MYO18B: variants seen among roughly 807,000 people sequenced by gnomAD.
MYO18B encodes the protein unconventional myosin-XVIIIb.
In MYO18B, 204 loss-of-function variants were observed where a neutral mutation model predicts 273.0. The observed-to-expected ratio is 0.75, with a 90% confidence interval of 0.67 to 0.84. MYO18B has a LOEUF of 0.84. Among genes scored for constraint, MYO18B ranks in the 40% least tolerant of loss-of-function variants. The pLI, the probability that MYO18B is intolerant of heterozygous loss-of-function variation, is 0.00. For missense variants in MYO18B, 3,212 were observed against 3,287.6 expected, an observed-to-expected ratio of 0.98 and a Z score of 0.56; for synonymous variants, 1,330 against 1,305.7, an observed-to-expected ratio of 1.02 and a Z score of -0.40.
rs1367853298 is a variant in MYO18B at position 25,908,306 on chromosome 22, C to T, written c.5149-16C>T. The T allele has an allele frequency of 6.4e-7, 1 of 1,561,232 alleles. No individual in the cohort carries two copies. The highest frequency in any genetic ancestry group is 8.7e-7 in the Non-Finnish European group (1 of 1,152,450). On this transcript the variant is annotated splice_polypyrimidine_tract_variant and intron_variant, in intron 31 of 43. Coordinates refer to ENST00000335473, the MANE Select transcript of MYO18B (RefSeq NM_032608.7). ...GAGTGGGTCACCCTCACGTGCTGTC[C>T]TTGCTGCCCCCGCAGCTCCGCCAGC...
At chr22:26,043,636 G>A in the MYO18B span, among the ~76,000 whole-genome samples, 106 of 150,418 alleles carry the variant, frequency 7.0e-4, no homozygotes, top group African/African-American at 2.3e-3. Context: ...TCAGCCTCCC[G>A]AGTAGCTGGG....
intron 42 of MYO18B, 134 bp from the exon 43 acceptor site, chr22:26,026,311 T>G: frequency 9.6e-7 from 1 of 1,043,206 alleles, no homozygotes; most frequent in Non-Finnish European, 1.4e-6. Context: ...ATATGGTTCA[T>G]TTGAGAGTGC....
At chr22:25,952,200 C>T in intron 37 of MYO18B, 86 bp from the exon 38 acceptor site, 1 of 1,474,148 alleles carries the variant, frequency 6.8e-7, no homozygotes, top group Non-Finnish European at 9.2e-7. Context: ...ATAGCTCCTC[C>T]CACCCTCCCA....
rs6004860 is a variant in MYO18B, at chr22:25,980,737, C to T, written c.6157-11626C>T. ...TATTAGAAACAGAAAAGCAAAGCAA[C>T]GGTGTTTAAAAGAGAAAGAAAAGAG... On this transcript the variant is annotated intron_variant, in intron 39 of 43. Transcript: ENST00000335473. Among the ~76,000 whole-genome samples, 601 of 152,162 alleles carry T rather than the reference C, an allele frequency of 3.9e-3. 5 individuals carry two copies. The highest frequency in any genetic ancestry group is 0.014 in the African/African-American group (581 of 41,496).
At chr22:25,780,856 G>C (rs1014258562) in intron 9 of MYO18B, among the ~76,000 whole-genome samples, 1 of 152,120 alleles carries the variant, frequency 6.6e-6, no homozygotes, top group East Asian at 1.9e-4. Flanking sequence ...TTAAACAGAC[G>C]CTTGCCAGCC....
intron 22 of MYO18B, among the ~76,000 whole-genome samples, chr22:25,869,466 A>AC (rs1284252633): frequency 6.7e-6 from 1 of 148,810 alleles, no homozygotes; most frequent in African/African-American, 2.5e-5. Flanking sequence ...AAAAAAAAAA[A>AC]AAAAAAAGAA....
chr22:25,963,335 G>A (rs1372444930), intron 39 of MYO18B, among the ~76,000 whole-genome samples: 1 of 151,798 alleles, frequency 6.6e-6, no homozygotes, highest in Non-Finnish European at 1.5e-5. Context: ...GAGGCTAGAT[G>A]TCTGAAATGA....
intron 25 of MYO18B, among the ~76,000 whole-genome samples, chr22:25,881,027 T>C (rs1181925745): frequency 6.6e-6 from 1 of 151,680 alleles, no homozygotes; most frequent in Non-Finnish European, 1.5e-5. Context: ...GCTTATAATG[T>C]TGTTTGGCTT....
At chr22:25,802,667 G>A (rs1601740502) in intron 12 of MYO18B, among the ~76,000 whole-genome samples, 1 of 151,018 alleles carries the variant, frequency 6.6e-6, no homozygotes, top group Non-Finnish European at 1.5e-5. Context: ...GCAGGAGAAT[G>A]GCGTGAACCC....
chr22:25,919,647 C>G (rs144676236), intron 33 of MYO18B, among the ~76,000 whole-genome samples: 215 of 151,682 alleles, frequency 1.4e-3, no homozygotes, highest in Non-Finnish European at 2.3e-3. Flanking sequence ...CAGCCCTTAA[C>G]TCAGTTCAGC....
rs202038278 is a variant in MYO18B, at chr22:25,825,088, CAT to C, written c.2696-1318_2696-1317del. On this transcript the variant is annotated intron_variant, in intron 13 of 43. Transcript: ENST00000335473. ...ATAGACACAAGCACACACGTGCACA[CAT>C]ATGCACAGGCACAAACACCACACAC... is the stretch of plus-strand genomic sequence containing the variant. Among the ~76,000 whole-genome samples the C allele has an allele frequency of 3.9e-3, 586 of 150,608 alleles. 3 individuals are homozygous for C. Among genetic ancestry groups the C allele is most frequent in the African/African-American group, 0.013 (539 of 39,932 alleles).
intron 7 of MYO18B, 49 bp downstream of exon 7, chr22:25,772,559 G>C (rs922487945): frequency 2.6e-6 from 4 of 1,550,970 alleles, no homozygotes; most frequent in Non-Finnish European, 3.5e-6. Flanking sequence ...GGGCAGGGGG[G>C]CCTGGGGGGA....
intron 39 of MYO18B, among the ~76,000 whole-genome samples, chr22:25,965,628 C>T (rs981943558): frequency 3.9e-5 from 6 of 152,162 alleles, no homozygotes; most frequent in South Asian, 2.1e-4. Flanking sequence ...ATATCATTTG[C>T]ACCATACAGG....
rs150178966 is a variant in MYO18B, at chr22:25,768,225, C to G, written c.309C>G (p.Asp103Glu). The G allele has an allele frequency of 5.6e-4, 898 of 1,614,012 alleles. 7 individuals are homozygous for G. In the African/African-American group the frequency reaches 8.0e-3, roughly 14 times the overall value. ...DDQSSSPGSSDILGKESEGSR... is the reference protein window; with the variant it reads ...DDQSSSPGSSEILGKESEGSR... ...AGTCAAGCTCTCCTGGGAGCTCAGA[C>G]ATTCTGGGCAAGGAGAGCGAGGGGT... is the stretch of plus-strand genomic sequence containing the variant. The change falls in exon 4 of 44, where the codon GAC becomes GAG. Residue 103 changes from aspartate to glutamate, a missense_variant. Transcript: ENST00000335473.
intron 17 of MYO18B, among the ~76,000 whole-genome samples, chr22:25,837,769 C>A (rs2089950436): frequency 6.6e-6 from 1 of 152,220 alleles, no homozygotes; most frequent in Admixed American, 6.5e-5. Flanking sequence ...AAATTATTCC[C>A]AGAGAGCTCG....
chr22:25,794,606 G>A (rs2087825733), intron 11 of MYO18B, among the ~76,000 whole-genome samples: 1 of 151,970 alleles, frequency 6.6e-6, no homozygotes, highest in Non-Finnish European at 1.5e-5. Flanking sequence ...CCAGGTTCAC[G>A]CCATTCTCCT....
chr22:25,832,887 TG>T, intron 15 of MYO18B, 29 bp from the exon 16 acceptor site: 1 of 1,600,994 alleles, frequency 6.2e-7, no homozygotes, highest in Non-Finnish European at 8.6e-7. Context: ...TCGCTAAAAG[TG>T]CTAACTTTTA....
chr22:25,945,557 A>G (rs2092693728), intron 34 of MYO18B, among the ~76,000 whole-genome samples: 1 of 151,966 alleles, frequency 6.6e-6, no homozygotes, highest in South Asian at 2.1e-4. Flanking sequence ...GCTTTCTCCC[A>G]GGTGTGAGTT....
At chr22:25,785,525 G>A (rs1165168144) in intron 11 of MYO18B, 34 bp downstream of exon 11, 2 of 1,600,860 alleles carry the variant, frequency 1.2e-6, no homozygotes, top group Admixed American at 1.7e-5. Flanking sequence ...TGGGATGTGA[G>A]TCTGTGTCTG....
Sources: allele counts gnomAD v4.1 joint callset (sites outside exome capture counted in the v4.1 genomes callset), GRCh38; gene constraint gnomAD v4.1.1; transcripts MANE v1.5; gene names NCBI Gene and HGNC (gene_info 2026-07-23, HGNC 2026-07-21).